MYO16: variants seen among roughly 807,000 people sequenced by gnomAD.
MYO16 encodes unconventional myosin-XVI.
Under a neutral mutation model 205.3 loss-of-function variants are expected in MYO16, and 94 were observed. The ratio of observed to expected loss-of-function variants is 0.46; its 90% confidence interval spans 0.39 to 0.54. The LOEUF (loss-of-function observed/expected upper bound fraction) is 0.54. Ranked by LOEUF, MYO16 falls within the 20% of genes least tolerant of loss-of-function variation. The probability of loss-of-function intolerance (pLI) is 0.00; values close to 1 mark genes in which losing one functional copy is unlikely to be tolerated. For missense variants in MYO16, 2,315 were observed against 2,387.5 expected (o/e 0.97, Z 0.63); for synonymous variants, 988 against 954.0 (o/e 1.04, Z -0.66).
At chr13:108,626,735 C>G (rs1025036403), upstream of MYO16, among the ~76,000 whole-genome samples, 3 of 151,620 alleles carry the variant, frequency 2.0e-5, no homozygotes, top group African/African-American at 7.3e-5. Context: ...AACCGGGAGG[C>G]AGAGGGTTGC....
At chr13:109,118,871 C>A (rs572291916) in intron 28 of MYO16, among the ~76,000 whole-genome samples, 1 of 152,086 alleles carries the variant, frequency 6.6e-6, no homozygotes, top group South Asian at 2.1e-4. Flanking sequence ...CAGTAGCCAC[C>A]CACTCATGTT....
rs1165337679 is a variant in MYO16, at chr13:109,023,223, A to C, written c.2796+3312A>C. Among the ~76,000 whole-genome samples, 22 of 113,632 alleles carry C rather than the reference A, an allele frequency of 1.9e-4. No homozygotes were observed. In the East Asian group the frequency reaches 5.4e-3, roughly 28 times the overall value. The allele number at this position is 113,632 out of a possible 152,430, so 74.5% of individuals were successfully genotyped here. A position where few individuals can be genotyped will look rare whatever the true frequency, so the allele number is the denominator to read the frequency against. ...TGAATATAAATTTATGTATATATTT[A>C]TATATTATACAGATATAAATATATA... On this transcript the variant is annotated intron_variant, in intron 23 of 34. Transcript: ENST00000457511.
intron 4 of MYO16, among the ~76,000 whole-genome samples, chr13:108,753,370 C>CAAA (rs534466420): frequency 4.0e-4 from 45 of 111,774 alleles, no homozygotes; most frequent in African/African-American, 1.7e-3. Flanking sequence ...AACTCTGTGA[C>CAAA]AAAAAAAAAA....
intron 16 of MYO16, among the ~76,000 whole-genome samples, chr13:108,949,808 T>C (rs1468552160): frequency 6.6e-6 from 1 of 152,096 alleles, no homozygotes; most frequent in Non-Finnish European, 1.5e-5. Flanking sequence ...CATTATGGTA[T>C]TGGTAGACAG....
intron 5 of MYO16, among the ~76,000 whole-genome samples, chr13:108,786,839 C>T (rs908183904): frequency 6.6e-6 from 1 of 152,300 alleles, no homozygotes. Flanking sequence ...ATTCAGTTGA[C>T]CACTCTGCAG....
intron 27 of MYO16, among the ~76,000 whole-genome samples, chr13:109,075,733 T>C (rs1479703905): frequency 6.6e-6 from 1 of 152,140 alleles, no homozygotes; most frequent in African/African-American, 2.4e-5. Flanking sequence ...AATTTTCTGT[T>C]CAGGTATGTT....
intron 1 of MYO16, among the ~76,000 whole-genome samples, chr13:108,650,178 A>ATTT (rs66484661): frequency 2.0e-3 from 304 of 151,886 alleles, no homozygotes; most frequent in African/African-American, 6.9e-3. Context: ...AAAATCATGC[A>ATTT]TTTTTTTCAG....
intron 28 of MYO16, among the ~76,000 whole-genome samples, chr13:109,105,124 A>G (rs1889082646): frequency 6.6e-6 from 1 of 152,246 alleles, no homozygotes; most frequent in Admixed American, 6.5e-5. Flanking sequence ...GTTTCTGTAA[A>G]TAAGAAACTA....
At chr13:108,911,370 G>C (rs1353223755) in intron 16 of MYO16, among the ~76,000 whole-genome samples, 2 of 152,094 alleles carry the variant, frequency 1.3e-5, no homozygotes, top group African/African-American at 4.8e-5. Flanking sequence ...GCAGGTGGGT[G>C]TCCTGCTTTT....
intron 2 of MYO16, among the ~76,000 whole-genome samples, chr13:108,700,079 T>C (rs2139516311): frequency 6.6e-6 from 1 of 152,224 alleles, no homozygotes; most frequent in African/African-American, 2.4e-5. Flanking sequence ...ATGCCTATAA[T>C]CCCAGCACTT....
chr13:108,719,696 A>T (rs1388139963), intron 3 of MYO16, among the ~76,000 whole-genome samples: 1 of 152,194 alleles, frequency 6.6e-6, no homozygotes. Flanking sequence ...ATCCTTCAAG[A>T]CAAGCTCCTG....
intron 20 of MYO16, among the ~76,000 whole-genome samples, chr13:108,981,097 A>G (rs1343709954): frequency 1.3e-5 from 2 of 152,268 alleles, no homozygotes; most frequent in Non-Finnish European, 2.9e-5. Context: ...TGTTTTCTAA[A>G]TAACCCTTTA....
intron 20 of MYO16, among the ~76,000 whole-genome samples, chr13:108,972,674 G>T (rs186393029): frequency 2.4e-3 from 366 of 151,536 alleles, no homozygotes; most frequent in African/African-American, 8.4e-3. Flanking sequence ...AGTAAGCGAG[G>T]ATCATCGATT....
At chr13:109,023,313 TTTATA>T in intron 23 of MYO16, among the ~76,000 whole-genome samples, 1 of 87,286 alleles carries the variant, frequency 1.1e-5, no homozygotes, top group Non-Finnish European at 2.0e-5. Context: ...AATATATATA[TTTATA>T]TATTATACAG....
the MYO16 span, among the ~76,000 whole-genome samples, chr13:108,505,740 C>T: frequency 1.6e-3 from 237 of 152,122 alleles, 5 homozygotes; most frequent in South Asian, 0.048. Context: ...GAAATCATTG[C>T]CAAATCAAAG....
At chr13:108,826,329 C>T (rs941515518) in intron 9 of MYO16, among the ~76,000 whole-genome samples, 5 of 151,986 alleles carry the variant, frequency 3.3e-5, no homozygotes, top group Admixed American at 6.6e-5. Flanking sequence ...GAAAGAATAG[C>T]CTTTTACAAT....
At position 108,873,652 on chromosome 13, in the gene MYO16, AT is replaced by A. The variant is rs1192131350; in HGVS notation, c.1425+7411del. ...AGGCCAACCAACCAGGACAGGGTCC[AT>A]GCCAACCAACCAGGACAGGGTCCAT... is the stretch of plus-strand genomic sequence containing the variant. On this transcript the variant is annotated intron_variant, in intron 12 of 34. Coordinates refer to ENST00000457511, the MANE Select transcript of MYO16 (RefSeq NM_001198950.3). 6.9e-5 allele frequency among the ~76,000 whole-genome samples: 9 copies of A among 129,628 alleles called. No homozygotes were observed. In the East Asian group the frequency reaches 9.9e-4, roughly 14 times the overall value. 85.0% of individuals were successfully genotyped at this position (129,628 alleles called of 152,430 possible).
chr13:108,622,391 T>TA (rs1879577089), intron 1 of MYO16, among the ~76,000 whole-genome samples: 1 of 152,140 alleles, frequency 6.6e-6, no homozygotes, highest in South Asian at 2.1e-4. Context: ...ACCTGACCTT[T>TA]AGGGAGTGAC....
intron 9 of MYO16, among the ~76,000 whole-genome samples, chr13:108,836,829 A>G (rs1441329264): frequency 1.3e-5 from 2 of 152,100 alleles, no homozygotes; most frequent in Non-Finnish European, 2.9e-5. Context: ...CAATGCCTGT[A>G]CCCCTAGTGT....
Sources: allele counts gnomAD v4.1 joint callset (sites outside exome capture counted in the v4.1 genomes callset), GRCh38; gene constraint gnomAD v4.1.1; transcripts MANE v1.5; gene names NCBI Gene and HGNC (gene_info 2026-07-23, HGNC 2026-07-21).